The following CCDC7 variants were observed in gnomAD, a reference collection of about 807,000 sequenced individuals.
CCDC7 encodes the protein coiled-coil domain-containing protein 7.
Under a neutral mutation model 196.9 loss-of-function variants are expected in CCDC7, and 183 were observed. The ratio of observed to expected loss-of-function variants is 0.93; its 90% CI spans 0.82 to 1.05. CCDC7 has a LOEUF of 1.05. Among genes scored for constraint, CCDC7 ranks in the 50% least tolerant of loss-of-function variants. The probability of loss-of-function intolerance (pLI) is 0.00; values close to 1 mark genes in which losing one functional copy is unlikely to be tolerated. For synonymous variants in CCDC7, 525 were observed against 484.6 expected (o/e 1.08, Z -1.10); for missense variants, 1,540 against 1,482.2 (o/e 1.04, Z -0.64).
At chr10:32,637,796 C>A (rs552623790) in intron 20 of CCDC7, among the ~76,000 whole-genome samples, 25 of 152,110 alleles carry the variant, frequency 1.6e-4, no homozygotes, top group African/African-American at 5.1e-4. Context: ...TGGGGATGGC[C>A]TTGAATCTAT....
At chr10:32,718,066 A>G (rs2081890484) in intron 25 of CCDC7, among the ~76,000 whole-genome samples, 1 of 152,330 alleles carries the variant, frequency 6.6e-6, no homozygotes, top group East Asian at 1.9e-4. Flanking sequence ...AAAATCTGGC[A>G]GAGACACAAA....
intron 28 of CCDC7, among the ~76,000 whole-genome samples, chr10:32,758,261 G>A (rs2076814765): frequency 1.3e-5 from 2 of 152,042 alleles, no homozygotes; most frequent in African/African-American, 2.4e-5. Flanking sequence ...GAGGCCAGCA[G>A]CATACTGATA....
At chr10:32,790,955 A>G (rs2082601916) in intron 29 of CCDC7, among the ~76,000 whole-genome samples, 1 of 152,166 alleles carries the variant, frequency 6.6e-6, no homozygotes, top group Non-Finnish European at 1.5e-5. Flanking sequence ...TGCAAGTCAT[A>G]TCAGACCCAA....
chr10:32,598,520 G>T (rs2138208207), intron 18 of CCDC7, among the ~76,000 whole-genome samples: 1 of 152,322 alleles, frequency 6.6e-6, no homozygotes, highest in South Asian at 2.1e-4. Context: ...CCAGTGAGAT[G>T]AACCCGGTAC....
chr10:32,726,667 T>C, intron 25 of CCDC7, 67 bp from the exon 27 acceptor site: 1 of 882,884 alleles, frequency 1.1e-6, no homozygotes, highest in East Asian at 2.6e-5. Context: ...AATATAGAGA[T>C]TTCACAATAG....
At chr10:32,665,747 C>CA (rs1443860236) in intron 21 of CCDC7, among the ~76,000 whole-genome samples, 4 of 151,874 alleles carry the variant, frequency 2.6e-5, no homozygotes, top group Admixed American at 6.6e-5. Context: ...CTATTTCTGT[C>CA]AAAAAATGTT....
At chr10:32,695,288 A>C (rs758515532) in intron 24 of CCDC7, among the ~76,000 whole-genome samples, 1 of 152,224 alleles carries the variant, frequency 6.6e-6, no homozygotes, top group African/African-American at 2.4e-5. Context: ...TATGAGTCCA[A>C]GTGTTCAACA....
rs183958080 is a variant in CCDC7, at chr10:32,700,828, G to A, written c.2458+5836G>A. ...TTTTCTTTGAAGCAAATGTGAATGG[G>A]AATTCACTCACGATTTGGCTCTCTG... On this transcript the variant is annotated intron_variant, in intron 24 of 41. Transcript: ENST00000639629. Among the ~76,000 whole-genome samples, 714 of 152,252 alleles carry A rather than the reference G, an allele frequency of 4.7e-3. 4 individuals carry two copies. The highest frequency in any genetic ancestry group is 6.7e-3 in the Non-Finnish European group (457 of 68,032).
chr10:32,598,861 C>T (rs1294841138), intron 18 of CCDC7, among the ~76,000 whole-genome samples: 2 of 152,076 alleles, frequency 1.3e-5, no homozygotes, highest in Non-Finnish European at 2.9e-5. Flanking sequence ...GTTCTATGTA[C>T]ACTAGAAAAA....
intron 41 of CCDC7, among the ~76,000 whole-genome samples, chr10:32,856,101 T>C (rs191170145): frequency 1.8e-4 from 27 of 152,284 alleles, no homozygotes; most frequent in African/African-American, 6.3e-4. Context: ...AACCTAAAAC[T>C]AAGAGCTGTA....
chr10:32,736,136 T>G (rs1184877591), intron 28 of CCDC7, among the ~76,000 whole-genome samples: 1 of 152,170 alleles, frequency 6.6e-6, no homozygotes, highest in African/African-American at 2.4e-5. Flanking sequence ...TGTTAACTAT[T>G]CTGGGTCTTT....
chr10:32,849,682 A>T (rs1271547164), intron 39 of CCDC7, among the ~76,000 whole-genome samples: 1 of 147,292 alleles, frequency 6.8e-6, no homozygotes, highest in Non-Finnish European at 1.5e-5. Flanking sequence ...CAGCATGGCG[A>T]AAGAGCAAGA....
rs191651080 is a variant in CCDC7, at chr10:32,718,664, C to A, written c.2569+6934C>A. On this transcript the variant is annotated intron_variant, in intron 25 of 41. Coordinates refer to ENST00000639629, the Ensembl canonical transcript of CCDC7. ...AAAATCTCCTTAAGCTGATAAGCAACTTCAGCAAAGTCCCAGGATACAAAA... is the reference window on the plus strand; with the variant it reads ...AAAATCTCCTTAAGCTGATAAGCAAATTCAGCAAAGTCCCAGGATACAAAA... Among the ~76,000 whole-genome samples the A allele has an allele frequency of 5.9e-3, 904 of 152,270 alleles. 9 individuals are homozygous for A. Among genetic ancestry groups the A allele is most frequent in the African/African-American group, 0.021 (862 of 41,548 alleles).
intron 15 of CCDC7, 38 bp downstream of exon 16, chr10:32,567,929 T>C: frequency 1.9e-6 from 3 of 1,541,634 alleles, no homozygotes; most frequent in Non-Finnish European, 2.6e-6. Context: ...TAGTATATGT[T>C]GTGAGAAATT....
chr10:32,467,918 T>C (rs1299625139), intron 5 of CCDC7, among the ~76,000 whole-genome samples: 5 of 152,294 alleles, frequency 3.3e-5, no homozygotes, highest in African/African-American at 1.2e-4. Context: ...TATTTCTGGC[T>C]TCTCTATTCT....
intron 33 of CCDC7, among the ~76,000 whole-genome samples, chr10:32,844,828 A>T (rs189500311): frequency 2.0e-5 from 3 of 151,926 alleles, no homozygotes; most frequent in Non-Finnish European, 3.0e-5. Context: ...CTGCAATAAG[A>T]CATGTTGTGA....
intron 20 of CCDC7, among the ~76,000 whole-genome samples, chr10:32,641,552 T>C (rs901705519): frequency 6.6e-6 from 1 of 152,196 alleles, no homozygotes; most frequent in Non-Finnish European, 1.5e-5. Context: ...TAGCCATTCA[T>C]CTAATTGTTT....
intron 11 of CCDC7, among the ~76,000 whole-genome samples, chr10:32,542,727 A>G (rs2051697520): frequency 6.6e-6 from 1 of 151,198 alleles, no homozygotes; most frequent in Admixed American, 6.6e-5. Context: ...ATCTGGTGGT[A>G]TGACATTTTA....
chr10:32,477,894 G>C (rs1433035401), intron 8 of CCDC7, among the ~76,000 whole-genome samples: 4 of 152,146 alleles, frequency 2.6e-5, no homozygotes, highest in Non-Finnish European at 2.9e-5. Flanking sequence ...GATTTTGATT[G>C]AGATTGCATT....
Sources: allele counts gnomAD v4.1 joint callset (sites outside exome capture counted in the v4.1 genomes callset), GRCh38; gene constraint gnomAD v4.1.1; transcripts MANE v1.5; gene names NCBI Gene and HGNC (gene_info 2026-07-23, HGNC 2026-07-21).